Variants in FBXO40 observed in about 807,000 individuals in gnomAD.
FBXO40 encodes F-box only protein 40.
In FBXO40, 50 loss-of-function variants were observed where a neutral mutation model predicts 49.9. The ratio of observed to expected loss-of-function variants is 1.00; its 90% CI spans 0.80 to 1.27. FBXO40 has a LOEUF of 1.27. FBXO40 is among the 50% of genes most tolerant of loss of function. The probability of loss-of-function intolerance (pLI) is 0.00; values close to 1 mark genes in which losing one functional copy is unlikely to be tolerated. For missense variants in FBXO40, 895 were observed against 870.1 expected (o/e 1.03, Z -0.36); for synonymous variants, 340 against 320.2 (o/e 1.06, Z -0.66).
In FBXO40 at chr3:121,621,519, C is replaced by T; in HGVS notation, c.90C>T (p.Asn30=). 6.2e-7 allele frequency: 1 copy of T among 1,614,252 alleles called. No homozygotes were observed. Among genetic ancestry groups the T allele is most frequent in the Non-Finnish European group, 8.5e-7 (1 of 1,180,044 alleles). The part of the protein sequence containing the change: ...NRHCHIPVEP[N]TSCLVISCHL... ...ACTGCCACATTCCTGTGGAACCCAA[C>T]ACCTCCTGCCTGGTAATAAGCTGCC... The change falls in exon 3 of 4, where the codon AAC becomes AAT. Residue 30 remains asparagine (N), a synonymous_variant. Transcript: ENST00000338040.
rs576498271 is a variant in FBXO40, at chr3:121,611,385, T to C, written c.-30-9161T>C. On this transcript the variant is annotated intron_variant, in intron 1 of 3. Transcript: ENST00000338040. ...ACAAACATGTGAGCAATAGAATCTA[T>C]GTCATAATGAAGTTCAAGGGATGGT... Among the ~76,000 whole-genome samples, 78 of 152,200 alleles carry C rather than the reference T, an allele frequency of 5.1e-4. 1 individual carries two copies. The highest frequency in any genetic ancestry group is 7.5e-4 in the Non-Finnish European group (51 of 68,040).
intron 3 of FBXO40, 23 bp from the exon 4 acceptor site, chr3:121,626,672 T>C: frequency 6.2e-7 from 1 of 1,612,442 alleles, no homozygotes. Context: ...TATTCACCTT[T>C]GAACTTCTAT....
intron 1 of FBXO40, among the ~76,000 whole-genome samples, chr3:121,596,651 T>C (rs1230355816): frequency 1.3e-5 from 2 of 152,282 alleles, no homozygotes; most frequent in East Asian, 1.9e-4. Context: ...AAAGAACAAG[T>C]ACTTTAATCC....
At chr3:121,617,330 T>A (rs777111471) in intron 1 of FBXO40, among the ~76,000 whole-genome samples, 1 of 152,150 alleles carries the variant, frequency 6.6e-6, no homozygotes, top group African/African-American at 2.4e-5. Flanking sequence ...GCACAGTGGC[T>A]CACACCTGTA....
At position 121,599,724 on chromosome 3, in the gene FBXO40, ATTTTT is replaced by A. The variant is rs753693720; in HGVS notation, c.-31+6233_-31+6237del. 9.9e-3 allele frequency among the ~76,000 whole-genome samples: 958 copies of A among 97,064 alleles called. 8 individuals are homozygous for A. Among genetic ancestry groups the A allele is most frequent in the Admixed American group, 0.021 (181 of 8,436 alleles). The allele number at this position is 97,064 out of a possible 152,430, so 63.7% of individuals were successfully genotyped here. ...CACACACATATATATATATATATAT[ATTTTT>A]TTTTTTTTTTGGAGACGGAGTCTCA... On this transcript the variant is annotated intron_variant, in intron 1 of 3. Transcript: ENST00000338040.
In FBXO40 at chr3:121,621,446, G is replaced by C; in HGVS notation, c.17G>C (p.Arg6Thr). ...TGGTGTGTCCAGGGGAAAGCCCGCA[G>C]ATCCCCGCCAGGGCACCACAGGCAT... MGKAR[R>T]SPPGHHRHCE... Residue 6 changes from arginine to threonine, a missense_variant, in exon 3 of 4, where the codon AGA becomes ACA. Coordinates refer to ENST00000338040, the MANE Select transcript of FBXO40 (RefSeq NM_016298.4). The C allele has an allele frequency of 6.2e-7, 1 of 1,613,142 alleles. No individual in the cohort carries two copies. The highest frequency in any genetic ancestry group is 8.5e-7 in the Non-Finnish European group (1 of 1,179,440).
intron 1 of FBXO40, among the ~76,000 whole-genome samples, chr3:121,604,633 G>A (rs1304958619): frequency 6.6e-6 from 1 of 152,098 alleles, no homozygotes; most frequent in Non-Finnish European, 1.5e-5. Flanking sequence ...GAGTTATTTG[G>A]GATATATATA....
At chr3:121,613,407 A>T (rs3845861) in intron 1 of FBXO40, among the ~76,000 whole-genome samples, 36,128 of 151,996 alleles carry the variant, frequency 0.24, 5,110 homozygotes, top group Admixed American at 0.37. Flanking sequence ...AGAAAAGATG[A>T]TGAACCAAAC....
intron 1 of FBXO40, among the ~76,000 whole-genome samples, chr3:121,608,026 GCCC>G (rs1356798580): frequency 6.6e-6 from 1 of 152,178 alleles, no homozygotes; most frequent in East Asian, 1.9e-4. Flanking sequence ...GTGATCCCTG[GCCC>G]ATTTTCGTTC....
At chr3:121,612,345 G>C (rs887314006) in intron 1 of FBXO40, among the ~76,000 whole-genome samples, 1 of 152,160 alleles carries the variant, frequency 6.6e-6, no homozygotes, top group Non-Finnish European at 1.5e-5. Context: ...ATGTAAGACA[G>C]GGCTTGAAGG....
Position 121,621,716 on chromosome 3 carries a change from C to T in FBXO40, c.287C>T (p.Ser96Phe). ...QVCPASVVCC[S>F]MEWNRWPNVD... ...TGCCCCGCCAGCGTGGTCTGCTGCTCCATGGAGTGGAACCGCTGGCCAAAT... is the reference window on the plus strand; with the variant it reads ...TGCCCCGCCAGCGTGGTCTGCTGCTTCATGGAGTGGAACCGCTGGCCAAAT... Residue 96 changes from serine to phenylalanine, a missense_variant, in exon 3 of 4, where the codon TCC becomes TTC. Physicochemically the swap from Ser to Phe is radical, Grantham distance 155. Transcript: ENST00000338040. 1.2e-6 allele frequency: 2 copies of T among 1,614,222 alleles called. No individual in the cohort carries two copies. Among genetic ancestry groups the T allele is most frequent in the Non-Finnish European group, 1.7e-6 (2 of 1,180,032 alleles).
At chr3:121,615,047 C>G (rs2048989696) in intron 1 of FBXO40, among the ~76,000 whole-genome samples, 3 of 151,844 alleles carry the variant, frequency 2.0e-5, no homozygotes, top group Admixed American at 6.6e-5. Flanking sequence ...ATGAAACCCC[C>G]ACAAAAAGTT....
Position 121,621,603 on chromosome 3 carries a change from C to T in FBXO40, c.174C>T (p.Cys58=), listed in dbSNP as rs373996619. The T allele has an allele frequency of 3.7e-6, 6 of 1,614,254 alleles. No homozygotes were observed. In the Admixed American group the frequency reaches 5.0e-5, roughly 13 times the overall value. ...MCKEAEHQLL[C]PLEQVPCLNS... ...AAGAGGCAGAGCACCAGCTCCTCTGCCCTTTAGAGCAGGTTCCGTGCCTCA... is the reference window on the plus strand; with the variant it reads ...AAGAGGCAGAGCACCAGCTCCTCTGTCCTTTAGAGCAGGTTCCGTGCCTCA... The change falls in exon 3 of 4, where the codon TGC becomes TGT. Residue 58 remains cysteine (C), a synonymous_variant. Coordinates refer to ENST00000338040, the MANE Select transcript of FBXO40 (RefSeq NM_016298.4).
At chr3:121,594,362 G>A (rs757772230) in intron 1 of FBXO40, among the ~76,000 whole-genome samples, 1 of 151,172 alleles carries the variant, frequency 6.6e-6, no homozygotes, top group Admixed American at 6.6e-5. Context: ...CACCACGCCT[G>A]GCTAATTTTT....
rs1576455113 is a variant in FBXO40 at position 121,620,462 on chromosome 3, T to A, written c.-30-84T>A. 5 of 1,191,110 alleles carry A rather than the reference T, an allele frequency of 4.2e-6. No homozygotes were observed. In the East Asian group the frequency reaches 9.5e-5, roughly 23 times the overall value. The allele number at this position is 1,191,110 out of a possible 1,614,324, so 73.8% of individuals were successfully genotyped here. ...TGGTGGAAGGAATTAAATGAGATAG[T>A]GTGTGAAGTCTCTTTAGCCTCTATT... On this transcript the variant is annotated intron_variant, in intron 1 of 3. Coordinates refer to ENST00000338040, the MANE Select transcript of FBXO40 (RefSeq NM_016298.4).
intron 3 of FBXO40, among the ~76,000 whole-genome samples, chr3:121,626,154 C>A (rs1230079180): frequency 6.6e-6 from 1 of 152,132 alleles, no homozygotes; most frequent in Non-Finnish European, 1.5e-5. Flanking sequence ...CTTGATCTAA[C>A]AGCTCAAAAA....
At position 121,628,619 on chromosome 3, in the gene FBXO40, CCCCGTTGAAAAT is replaced by C. The variant is rs1262817087; in HGVS notation, c.*1713_*1724del. 1 of 152,142 alleles carries C rather than the reference CCCCGTTGAAAAT, an allele frequency of 6.6e-6. No individual in the cohort carries two copies. Among genetic ancestry groups the C allele is most frequent in the African/African-American group, 2.4e-5 (1 of 41,434 alleles). The allele number at this position is 152,142 out of a possible 1,614,324, so 9.4% of individuals were successfully genotyped here. On this transcript the variant is annotated 3_prime_UTR_variant, in exon 4 of 4. Transcript: ENST00000338040. ...CTAAATATTGGGGAGCAAAATGGCT[CCCCGTTGAAAAT>C]CCCTAAAGGATGTCATACTAGTGAC...
chr3:121,626,449 T>C (rs1560133942), intron 3 of FBXO40, among the ~76,000 whole-genome samples: 1 of 152,288 alleles, frequency 6.6e-6, no homozygotes, highest in East Asian at 1.9e-4. Flanking sequence ...AGAGTGTGTG[T>C]CAATATGCTG....
intron 1 of FBXO40, among the ~76,000 whole-genome samples, chr3:121,611,469 G>A (rs189234784): frequency 5.6e-4 from 85 of 152,288 alleles, no homozygotes; most frequent in African/African-American, 2.0e-3. Flanking sequence ...AAACATCTCA[G>A]CGGAGTAAAG....
Sources: allele counts gnomAD v4.1 joint callset (sites outside exome capture counted in the v4.1 genomes callset), GRCh38; gene constraint gnomAD v4.1.1; transcripts MANE v1.5; gene names NCBI Gene and HGNC (gene_info 2026-07-23, HGNC 2026-07-21).